The following PCDHA6 variants were observed in gnomAD, a reference collection of about 807,000 sequenced individuals.
PCDHA6 encodes protocadherin alpha-6.
A neutral mutation model predicts 60.3 loss-of-function variants in PCDHA6; 55 were observed. That is an observed-to-expected ratio of 0.91 (90% CI 0.73 to 1.14). The LOEUF is 1.14. PCDHA6 is among the 50% of genes most tolerant of loss of function. The pLI is 0.00. For missense variants in PCDHA6, 1,327 were observed against 1,256.5 expected, an observed-to-expected ratio of 1.06 and a Z score of -0.85; for synonymous variants, 652 against 557.9, an observed-to-expected ratio of 1.17 and a Z score of -2.38.
At chr5:140,994,197 G>A (rs1449482897) in intron 3 of PCDHA6, among the ~76,000 whole-genome samples, 1 of 152,196 alleles carries the variant, frequency 6.6e-6, no homozygotes. Context: ...GGGCCTGTTG[G>A]TCCAGAATGG....
intron 1 of PCDHA6, chr5:140,968,734 C>A: frequency 6.2e-7 from 1 of 1,614,162 alleles, no homozygotes; most frequent in Non-Finnish European, 8.5e-7. Flanking sequence ...GTAGCACTTT[C>A]AACCTGACCG....
chr5:140,886,102 G>A (rs1040004596), intron 1 of PCDHA6, among the ~76,000 whole-genome samples: 17 of 152,136 alleles, frequency 1.1e-4, no homozygotes, highest in Admixed American at 1.3e-4. Flanking sequence ...CATTGATACA[G>A]TAAAGAAGTA....
intron 1 of PCDHA6, among the ~76,000 whole-genome samples, chr5:140,974,906 T>G (rs1197306976): frequency 6.6e-6 from 1 of 152,182 alleles, no homozygotes; most frequent in Non-Finnish European, 1.5e-5. Flanking sequence ...TTGTAACAAA[T>G]TACCACAAGT....
chr5:140,857,375 G>C, intron 1 of PCDHA6: 1 of 1,598,360 alleles, frequency 6.3e-7, no homozygotes. Flanking sequence ...CGTGTCTGTG[G>C]AGGTGGCCGA....
rs528939441 is a variant in PCDHA6 at position 140,858,900 on chromosome 5, G to C, written c.2394+28415G>C. ...CCTCCATGTGTAGAATATGTGTAGCGTACCACAGCTTATACTGCCATAGTA... is the reference window on the plus strand; with the variant it reads ...CCTCCATGTGTAGAATATGTGTAGCCTACCACAGCTTATACTGCCATAGTA... On this transcript the variant is annotated intron_variant, in intron 1 of 3. Transcript: ENST00000529310. 2 of 203,044 alleles carry C rather than the reference G, an allele frequency of 9.9e-6. 1 individual carries two copies. Among genetic ancestry groups the C allele is most frequent in the African/African-American group, 4.8e-5 (2 of 41,680 alleles). 12.6% of individuals were successfully genotyped at this position (203,044 alleles called of 1,614,324 possible). A position where few individuals can be genotyped will look rare whatever the true frequency, so the allele number is the denominator to read the frequency against.
intron 1 of PCDHA6, chr5:140,863,338 C>G: frequency 2.2e-6 from 3 of 1,361,684 alleles, no homozygotes; most frequent in Non-Finnish European, 3.0e-6. Flanking sequence ...GCTCACGTTG[C>G]TGCTGTACAC....
chr5:140,833,882 G>A (rs1377980583), intron 1 of PCDHA6, among the ~76,000 whole-genome samples: 2 of 151,998 alleles, frequency 1.3e-5, no homozygotes, highest in Non-Finnish European at 2.9e-5. Flanking sequence ...AAGTTTCCTG[G>A]GATCTAGATC....
Position 140,978,942 on chromosome 5 carries a change from T to C in PCDHA6, c.2395-7T>C, listed in dbSNP as rs781997267. 5 of 1,614,058 alleles carry C rather than the reference T, an allele frequency of 3.1e-6. No individual in the cohort carries two copies. The African/African-American group carries it at 6.7e-5, about 22-fold the overall frequency. ...TTTAACAGAAAACTCTCTTTGTGAT[T>C]TTGCAGCCACGACAGCCCAACCCTG... is the stretch of plus-strand genomic sequence containing the variant. On this transcript the variant is annotated splice_region_variant and splice_polypyrimidine_tract_variant and intron_variant, in intron 1 of 3. Coordinates refer to ENST00000529310, the MANE Select transcript of PCDHA6 (RefSeq NM_018909.4).
At chr5:140,877,571 T>C in intron 1 of PCDHA6, 1 of 1,613,760 alleles carries the variant, frequency 6.2e-7, no homozygotes, top group African/African-American at 1.3e-5. Context: ...AACGTGTACC[T>C]CATCATCGCC....
At position 140,848,612 on chromosome 5, in the gene PCDHA6, C is replaced by T. The variant is rs141640003; in HGVS notation, c.2394+18127C>T. The T allele has an allele frequency of 2.7e-3, 4,330 of 1,586,952 alleles. 470 individuals carry two copies. Among genetic ancestry groups the T allele is most frequent in the Middle Eastern group, 9.9e-3 (57 of 5,730 alleles). On this transcript the variant is annotated intron_variant, in intron 1 of 3. Coordinates refer to ENST00000529310, the MANE Select transcript of PCDHA6 (RefSeq NM_018909.4). Reference sequence around the variant, plus strand: ...TCCACTACTCCGTCCCGGAGGAAGCCGAACACGGCACCTTCGTGGGCCGCA... The same window carrying T: ...TCCACTACTCCGTCCCGGAGGAAGCTGAACACGGCACCTTCGTGGGCCGCA...
chr5:140,928,814 A>G, intron 1 of PCDHA6: 1 of 1,614,150 alleles, frequency 6.2e-7, no homozygotes, highest in East Asian at 2.2e-5. Context: ...GTTCGGGACC[A>G]TGGAGACCCA....
At chr5:140,856,384 G>C (rs202075661) in intron 1 of PCDHA6, 1 of 1,598,540 alleles carries the variant, frequency 6.3e-7, no homozygotes, top group African/African-American at 1.3e-5. Flanking sequence ...TGGACAGGCC[G>C]CTGCAGGTTT....
At chr5:140,989,928 A>T (rs2097366853) in intron 3 of PCDHA6, among the ~76,000 whole-genome samples, 1 of 152,032 alleles carries the variant, frequency 6.6e-6, no homozygotes, top group African/African-American at 2.4e-5. Context: ...GCAGAGATAG[A>T]TGACATTCCA....
At chr5:140,937,866 C>T (rs892440956) in intron 1 of PCDHA6, among the ~76,000 whole-genome samples, 4 of 150,734 alleles carry the variant, frequency 2.7e-5, no homozygotes, top group African/African-American at 4.9e-5. Flanking sequence ...GAGCCGAGAT[C>T]GCGCCACTGC....
intron 1 of PCDHA6, among the ~76,000 whole-genome samples, chr5:140,832,335 G>T (rs1771931725): frequency 1.3e-5 from 2 of 152,204 alleles, no homozygotes; most frequent in African/African-American, 2.4e-5. Flanking sequence ...AGAGGACTGA[G>T]TTGTGGTTTG....
At chr5:140,869,256 C>T in intron 1 of PCDHA6, 2 of 1,613,586 alleles carry the variant, frequency 1.2e-6, no homozygotes, top group Non-Finnish European at 1.7e-6. Flanking sequence ...TCGCGCAGGA[C>T]CTGGGGCTGG....
rs782621350 is a variant in PCDHA6 at position 140,876,591 on chromosome 5, C to T, written c.2394+46106C>T. ...TGGGTACCGTCATTGCCCTGATTAG[C>T]GTGTCGGATCGTGACTCTGGAGCCA... On this transcript the variant is annotated intron_variant, in intron 1 of 3. Transcript: ENST00000529310. 9.5e-5 allele frequency: 153 copies of T among 1,614,058 alleles called. 1 individual carries two copies. The highest frequency in any genetic ancestry group is 8.2e-4 in the Middle Eastern group (5 of 6,082).
Position 140,828,487 on chromosome 5 carries a change from G to T in PCDHA6, c.396G>T (p.Leu132Phe), listed in dbSNP as rs1554131330. Residue 132 changes from leucine to phenylalanine, a missense_variant, in exon 1 of 4, where the codon TTG becomes TTT. Physicochemically the swap from Leu to Phe is conservative, Grantham distance 22. Transcript: ENST00000529310. ...EVRDINDNPPLFPVEEQRVLI... is the reference protein window; with the variant it reads ...EVRDINDNPPFFPVEEQRVLI... ...GGGACATTAACGACAACCCGCCCTTGTTCCCGGTAGAGGAACAAAGAGTGC... is the reference window on the plus strand; with the variant it reads ...GGGACATTAACGACAACCCGCCCTTTTTCCCGGTAGAGGAACAAAGAGTGC... 4 of 1,614,106 alleles carry T rather than the reference G, an allele frequency of 2.5e-6. No individual in the cohort carries two copies. Among genetic ancestry groups the T allele is most frequent in the Non-Finnish European group, 3.4e-6 (4 of 1,180,054 alleles).
chr5:140,946,997 C>A (rs2094069050), intron 1 of PCDHA6, among the ~76,000 whole-genome samples: 1 of 151,382 alleles, frequency 6.6e-6, no homozygotes. Context: ...GTTCTAACTT[C>A]AAAGAAATGA....
Sources: allele counts gnomAD v4.1 joint callset (sites outside exome capture counted in the v4.1 genomes callset), GRCh38; gene constraint gnomAD v4.1.1; transcripts MANE v1.5; gene names NCBI Gene and HGNC (gene_info 2026-07-23, HGNC 2026-07-21).